MFSD1: variants seen among roughly 807,000 people sequenced by gnomAD.
MFSD1 encodes the protein lysosomal dipeptide transporter MFSD1.
In MFSD1, 59 loss-of-function variants were observed where a neutral mutation model predicts 67.1. That is an observed-to-expected ratio of 0.88 (90% confidence interval 0.71 to 1.09). MFSD1 has a LOEUF of 1.09. MFSD1 is among the 50% of genes least tolerant of loss of function. The pLI, the probability that MFSD1 is intolerant of heterozygous loss-of-function variation, is 0.00. For synonymous variants in MFSD1, 213 were observed against 200.3 expected (o/e 1.06, Z -0.54); for missense variants, 552 against 566.1 (o/e 0.97, Z 0.25).
chr3:158,820,631 G>C (rs1730623576), intron 9 of MFSD1, among the ~76,000 whole-genome samples: 1 of 152,198 alleles, frequency 6.6e-6, no homozygotes. Context: ...GTTCCATAGG[G>C]CTGGGAAGGC....
At chr3:158,820,407 G>T in intron 9 of MFSD1, 81 bp downstream of exon 9, 1 of 937,224 alleles carries the variant, frequency 1.1e-6, no homozygotes, top group South Asian at 1.4e-5. Context: ...TTTTAAAGCA[G>T]TAAATCTTGC....
At position 158,809,188 on chromosome 3, in the gene MFSD1, C is replaced by T. The variant is rs750982631; in HGVS notation, c.450C>T (p.Gly150=). 6.2e-5 allele frequency: 94 copies of T among 1,523,678 alleles called. No homozygotes were observed. Among genetic ancestry groups the T allele is most frequent in the African/African-American group, 1.6e-4 (11 of 69,476 alleles). The allele number at this position is 1,523,678 out of a possible 1,614,324, so 94.4% of individuals were successfully genotyped here. ...TTTTTTCTATTTTTAGGATTGGTGG[C>T]GAGTCCTTAGCAGTTGCCCAGAATA... ...EFGRFVFGIG[G]ESLAVAQNTY... is the part of the protein sequence containing the mutation. The change falls in exon 6 of 16, where the codon GGC becomes GGT. Residue 150 remains glycine (G), a synonymous_variant. Transcript: ENST00000415822.
rs141885366 is a variant in MFSD1 at position 158,818,653 on chromosome 3, C to T, written c.653-996C>T. ...GTTTTATTCCTTATAATTCCTTGGT[C>T]GATACAGCCTGGTAAAAGAAGACAG... On this transcript the variant is annotated intron_variant, in intron 7 of 15. Transcript: ENST00000415822. Among the ~76,000 whole-genome samples, 1,196 of 152,158 alleles carry T rather than the reference C, an allele frequency of 7.9e-3. 18 individuals are homozygous for T. Among genetic ancestry groups the T allele is most frequent in the African/African-American group, 0.028 (1,154 of 41,484 alleles).
intron 5 of MFSD1, 26 bp from the exon 6 acceptor site, chr3:158,809,153 G>GTTTTTTTTTTTTTTTTTTTTTTTTTTTT: frequency 4.1e-6 from 5 of 1,205,254 alleles, no homozygotes; most frequent in South Asian, 1.5e-5. Flanking sequence ...GTGACTTCTG[G>GTTTTTTTTTTTTTTTTTTTTTTTTTTTT]TTTTTTTTTT....
intron 2 of MFSD1, 73 bp from the exon 3 acceptor site, chr3:158,805,289 T>A: frequency 1.7e-6 from 2 of 1,169,876 alleles, no homozygotes; most frequent in Non-Finnish European, 2.6e-6. Flanking sequence ...CACTTTAGAT[T>A]GTCATATTTT....
intron 7 of MFSD1, among the ~76,000 whole-genome samples, chr3:158,814,884 A>G: frequency 6.6e-6 from 1 of 152,000 alleles, no homozygotes; most frequent in Non-Finnish European, 1.5e-5. Flanking sequence ...GGAGTTCTAG[A>G]CAAGCCTGAC....
intron 4 of MFSD1, 108 bp downstream of exon 4, chr3:158,807,190 C>T: frequency 3.6e-6 from 4 of 1,110,340 alleles, no homozygotes; most frequent in Non-Finnish European, 5.4e-6. Flanking sequence ...CTTAATTAAG[C>T]AGAACCCATA....
intron 1 of MFSD1, among the ~76,000 whole-genome samples, chr3:158,804,070 A>G (rs1346115794): frequency 6.6e-6 from 1 of 152,230 alleles, no homozygotes; most frequent in Non-Finnish European, 1.5e-5. Context: ...AAATAGAAAA[A>G]TATTTAATTG....
intron 7 of MFSD1, among the ~76,000 whole-genome samples, chr3:158,819,205 G>A (rs1003030876): frequency 5.3e-5 from 8 of 152,206 alleles, no homozygotes; most frequent in African/African-American, 1.7e-4. Context: ...GGGCAGGAGC[G>A]AAGGCCGTGG....
intron 7 of MFSD1, among the ~76,000 whole-genome samples, chr3:158,814,410 T>C (rs1730208864): frequency 6.6e-6 from 1 of 152,138 alleles, no homozygotes; most frequent in African/African-American, 2.4e-5. Context: ...AACCTCTGCC[T>C]CCCAGGGTCA....
In MFSD1 at chr3:158,819,679, G is replaced by A; in HGVS notation, c.683G>A (p.Cys228Tyr). ...ATAACGTGTATTCTTTCACTAATCT[G>A]TGCCTTGGCTCTTGCCTACTTGGAT... Reference protein sequence around the residue: ...GGITCILSLICALALAYLDQR... With the variant: ...GGITCILSLIYALALAYLDQR... Residue 228 changes from cysteine to tyrosine, a missense_variant, in exon 8 of 16, where the codon TGT (cysteine) becomes TAT (tyrosine). Coordinates refer to ENST00000415822, the MANE Select transcript of MFSD1 (RefSeq NM_022736.4). 2 of 1,590,978 alleles carry A rather than the reference G, an allele frequency of 1.3e-6. No individual in the cohort carries two copies. Among genetic ancestry groups the A allele is most frequent in the Non-Finnish European group, 1.7e-6 (2 of 1,164,874 alleles).
In MFSD1 at chr3:158,824,203, T is replaced by G; in HGVS notation, c.1255T>G (p.Phe419Val). 6.2e-7 allele frequency: 1 copy of G among 1,612,860 alleles called. No homozygotes were observed. Among genetic ancestry groups the G allele is most frequent in the Non-Finnish European group, 8.5e-7 (1 of 1,179,460 alleles). Reference protein sequence around the residue: ...GMILDSRGYLFLEVFFIACVS... With the variant: ...GMILDSRGYLVLEVFFIACVS... ...GATACTGGATTCTCGGGGGTATTTG[T>G]TTTTGGAAGTGTTCTTCATTGCCTG... Residue 419 changes from phenylalanine (F) to valine (V), a missense_variant, in exon 13 of 16, where the codon TTT becomes GTT. Transcript: ENST00000415822.
chr3:158,824,346 A>G, intron 13 of MFSD1, 110 bp downstream of exon 13: 1 of 754,408 alleles, frequency 1.3e-6, no homozygotes, highest in Non-Finnish European at 2.2e-6. Context: ...TGTGAATTAG[A>G]ATTTCATAGC....
intron 7 of MFSD1, among the ~76,000 whole-genome samples, chr3:158,817,920 G>GGA (rs1730460568): frequency 2.0e-5 from 3 of 152,072 alleles, no homozygotes; most frequent in Non-Finnish European, 2.9e-5. Flanking sequence ...ATTATCTCCT[G>GGA]TTCAATTTGG....
intron 7 of MFSD1, among the ~76,000 whole-genome samples, chr3:158,818,013 ATGGTGC>A (rs1730468385): frequency 1.3e-5 from 2 of 152,118 alleles, no homozygotes; most frequent in South Asian, 4.1e-4. Context: ...CTATGGCTCC[ATGGTGC>A]TAGTTGCTGG....
intron 6 of MFSD1, among the ~76,000 whole-genome samples, chr3:158,811,104 T>A (rs748538828): frequency 4.9e-4 from 74 of 152,214 alleles, no homozygotes; most frequent in Non-Finnish European, 7.1e-4. Flanking sequence ...TCTCTCTTTC[T>A]CTGTGTATGT....
intron 5 of MFSD1, chr3:158,808,921 G>A (rs544033164): frequency 5.4e-6 from 2 of 373,696 alleles, no homozygotes; most frequent in East Asian, 4.2e-5. Flanking sequence ...GGGGGTAGTG[G>A]TTCAGGGCTC....
chr3:158,802,128 C>T lies in MFSD1; in HGVS notation c.-25C>T, dbSNP rs750693077. Reference sequence around the variant, plus strand: ...CTGGGTTTGGAGTTGTCACCACTTTCCCCTCTCCGTCTCCTGCGGGCGCAA... The same window carrying T: ...CTGGGTTTGGAGTTGTCACCACTTTTCCCTCTCCGTCTCCTGCGGGCGCAA... On this transcript the variant is annotated 5_prime_UTR_variant, in exon 1 of 16. Transcript: ENST00000415822. The T allele has an allele frequency of 6.2e-6, 10 of 1,610,528 alleles. No homozygotes were observed. Among genetic ancestry groups the T allele is most frequent in the African/African-American group, 2.7e-5 (2 of 74,892 alleles).
At chr3:158,828,953 G>T (rs1384881968) in intron 15 of MFSD1, 26 bp from the exon 16 acceptor site, 37 of 1,595,152 alleles carry the variant, frequency 2.3e-5, no homozygotes, top group Non-Finnish European at 2.9e-5. Flanking sequence ...TTCCTCTTTG[G>T]TAATTTATTG....
Sources: gnomAD v4.1 joint callset for allele counts (sites outside exome capture counted in the v4.1 genomes callset) on GRCh38, gnomAD v4.1.1 for gene constraint, MANE v1.5 for transcripts, NCBI Gene and HGNC (gene_info 2026-07-23, HGNC 2026-07-21) for gene names.